RPSA2: variants seen among roughly 807,000 people sequenced by gnomAD.
The protein encoded by RPSA2 is small ribosomal subunit protein uS2B.
chr19:23,832,394 G>A, the RPSA2 span: 11 of 504,350 alleles, frequency 2.2e-5, no homozygotes, highest in Non-Finnish European at 4.5e-5. Context: ...CCCTACAAAT[G>A]TGAAGAATGT....
At chr19:23,829,077 A>G in the RPSA2 span, among the ~76,000 whole-genome samples, 1 of 151,852 alleles carries the variant, frequency 6.6e-6, no homozygotes, top group Non-Finnish European at 1.5e-5. Context: ...ATACTTTCTG[A>G]CTTAAGATGT....
the RPSA2 span, chr19:23,831,932 C>G: frequency 1.6e-5 from 5 of 310,970 alleles, no homozygotes; most frequent in Non-Finnish European, 3.4e-5. Flanking sequence ...TCACACAAAA[C>G]CCAACATAAA....
chr19:23,779,984 G>A, the RPSA2 span, among the ~76,000 whole-genome samples: 46 of 152,212 alleles, frequency 3.0e-4, no homozygotes, highest in Middle Eastern at 0.01. Flanking sequence ...AGGTGACGTC[G>A]CTCTCCTGCG....
At chr19:23,759,932 TCAGGC>T in the RPSA2 span, among the ~76,000 whole-genome samples, 1 of 152,096 alleles carries the variant, frequency 6.6e-6, no homozygotes, top group Non-Finnish European at 1.5e-5. Flanking sequence ...TTGCCAAGCC[TCAGGC>T]CAGGCCAGGC....
chr19:23,847,964 G>C, the RPSA2 span, among the ~76,000 whole-genome samples: 1 of 152,162 alleles, frequency 6.6e-6, no homozygotes, highest in Admixed American at 6.5e-5. Flanking sequence ...CAGGCAGTCA[G>C]ACCTTATGGT....
chr19:23,835,251 C>T, the RPSA2 span, among the ~76,000 whole-genome samples: 3 of 151,902 alleles, frequency 2.0e-5, no homozygotes, highest in African/African-American at 7.2e-5. Flanking sequence ...TGCCTGCAAG[C>T]ACATATGGAC....
the RPSA2 span, among the ~76,000 whole-genome samples, chr19:23,768,383 T>C: frequency 0.98 from 147,186 of 150,822 alleles, 71,928 homozygotes; most frequent in Middle Eastern, 1. Context: ...CCTCTTTTTT[T>C]CAAAGTCTAG....
At chr19:23,761,923 T>TCTTTCTTTCTTTCTTTC in the RPSA2 span, among the ~76,000 whole-genome samples, 7 of 63,548 alleles carry the variant, frequency 1.1e-4, no homozygotes, top group Non-Finnish European at 1.1e-4. Flanking sequence ...TTTCTTTCTT[T>TCTTTCTTTCTTTCTTTC]TTTTTTTTTT....
chr19:23,857,431 C>G, the RPSA2 span, among the ~76,000 whole-genome samples: 1 of 151,856 alleles, frequency 6.6e-6, no homozygotes, highest in Admixed American at 6.6e-5. Context: ...TCCCTGACTT[C>G]CCGCAACATC....
the RPSA2 span, among the ~76,000 whole-genome samples, chr19:23,761,906 T>TCTCTCTCTCTCTCTCTCTCTCTCTC: frequency 2.4e-4 from 22 of 92,100 alleles, 8 homozygotes; most frequent in Non-Finnish European, 4.2e-4. Flanking sequence ...ACGTAATTCT[T>TCTCTCTCTCTCTCTCTCTCTCTCTC]TCTTTCTTTC....
At chr19:23,816,859 A>C in the RPSA2 span, among the ~76,000 whole-genome samples, 1 of 152,182 alleles carries the variant, frequency 6.6e-6, no homozygotes, top group Admixed American at 6.5e-5. Context: ...CACTATCATG[A>C]GACTAGTACA....
chr19:23,825,368 A>T, the RPSA2 span, among the ~76,000 whole-genome samples: 151 of 152,324 alleles, frequency 9.9e-4, no homozygotes, highest in African/African-American at 3.2e-3. Context: ...ATTTATTATA[A>T]TTATGCATGC....
At chr19:23,765,016 T>A in the RPSA2 span, among the ~76,000 whole-genome samples, 2 of 152,122 alleles carry the variant, frequency 1.3e-5, no homozygotes, top group African/African-American at 4.8e-5. Flanking sequence ...ATGAGTATCA[T>A]CCCCTGAGTC....
At chr19:23,853,520 A>G in the RPSA2 span, among the ~76,000 whole-genome samples, 4 of 152,252 alleles carry the variant, frequency 2.6e-5, no homozygotes, top group African/African-American at 7.2e-5. Flanking sequence ...ATAAAGGCAT[A>G]GGATTAGGAG....
chr19:23,795,770 A>G, the RPSA2 span, among the ~76,000 whole-genome samples: 1 of 152,072 alleles, frequency 6.6e-6, no homozygotes, highest in African/African-American at 2.4e-5. Flanking sequence ...GAATGCTTCA[A>G]GCTTGTTTTT....
At chr19:23,824,580 C>CTTTTTTTT in the RPSA2 span, among the ~76,000 whole-genome samples, 3 of 63,800 alleles carry the variant, frequency 4.7e-5, no homozygotes, top group African/African-American at 1.2e-4. Context: ...TATAGCATTT[C>CTTTTTTTT]TTTTTTTTTT....
At chr19:23,844,164 T>C in the RPSA2 span, among the ~76,000 whole-genome samples, 2 of 152,226 alleles carry the variant, frequency 1.3e-5, no homozygotes, top group Non-Finnish European at 2.9e-5. Flanking sequence ...TAGCACTTTT[T>C]AAATATATCT....
chr19:23,766,758 GTTTTT>G, the RPSA2 span, among the ~76,000 whole-genome samples: 2 of 134,028 alleles, frequency 1.5e-5, no homozygotes. Flanking sequence ...CGGGCCAAAT[GTTTTT>G]TTTTTTTTTT....
At chr19:23,819,486 C>T in the RPSA2 span, 2 of 152,148 alleles carry the variant, frequency 1.3e-5, no homozygotes, top group Non-Finnish European at 2.9e-5. Context: ...ATATGGGGCC[C>T]ATCCCATATG....
Sources: allele counts gnomAD v4.1 joint callset (sites outside exome capture counted in the v4.1 genomes callset), GRCh38; gene constraint gnomAD v4.1.1; transcripts MANE v1.5; gene names NCBI Gene and HGNC (gene_info 2026-07-23, HGNC 2026-07-21).